The following SOX5 variants were observed in gnomAD, a reference collection of about 807,000 sequenced individuals.
The protein encoded by SOX5 is SRY-box transcription factor 5.
Under a neutral mutation model 92.0 loss-of-function variants are expected in SOX5, and 9 were observed. That is an observed-to-expected ratio of 0.10 (90% CI 0.06 to 0.17). The LOEUF (loss-of-function observed/expected upper bound fraction) is 0.17. SOX5 is among the 10% of genes least tolerant of loss of function. The pLI is 1.00. For synonymous variants in SOX5, 344 were observed against 336.3 expected (o/e 1.02, Z -0.25); for missense variants, 642 against 944.5 (o/e 0.68, Z 4.20).
intron 4 of SOX5, among the ~76,000 whole-genome samples, chr12:24,175,482 G>A (rs1339837736): frequency 6.6e-6 from 1 of 152,162 alleles, no homozygotes; most frequent in Non-Finnish European, 1.5e-5. Context: ...GTGCATGCAC[G>A]CTGGGAGCAA....
chr12:24,082,897 C>T (rs1314409082), intron 4 of SOX5, among the ~76,000 whole-genome samples: 1 of 151,738 alleles, frequency 6.6e-6, no homozygotes, highest in Non-Finnish European at 1.5e-5. Flanking sequence ...ATCTCATTTG[C>T]TTTTATAAAG....
chr12:24,176,606 G>C (rs1262497532), intron 4 of SOX5, among the ~76,000 whole-genome samples: 1 of 152,140 alleles, frequency 6.6e-6, no homozygotes, highest in Non-Finnish European at 1.5e-5. Flanking sequence ...ATAATCATAT[G>C]GTCTATGACC....
intron 3 of SOX5, among the ~76,000 whole-genome samples, chr12:24,246,866 A>T (rs1428041303): frequency 6.6e-6 from 1 of 152,190 alleles, no homozygotes; most frequent in Non-Finnish European, 1.5e-5. Flanking sequence ...CAAAATAAAA[A>T]GACAAGAGGT....
intron 3 of SOX5, among the ~76,000 whole-genome samples, chr12:23,799,256 A>G (rs1369568473): frequency 6.6e-6 from 1 of 152,038 alleles, no homozygotes; most frequent in Non-Finnish European, 1.5e-5. Context: ...TGATACTAAC[A>G]ATGATGCTGT....
chr12:24,025,781 T>A (rs1277947986), intron 4 of SOX5, among the ~76,000 whole-genome samples: 3 of 151,920 alleles, frequency 2.0e-5, no homozygotes, highest in Admixed American at 1.3e-4. Flanking sequence ...ACTGAAAAAA[T>A]TCCATAGAAT....
chr12:23,823,290 GC>G (rs969612362), intron 3 of SOX5, among the ~76,000 whole-genome samples: 1 of 152,190 alleles, frequency 6.6e-6, no homozygotes, highest in African/African-American at 2.4e-5. Flanking sequence ...TCCTTCAGGA[GC>G]TCCAGTAAGG....
chr12:24,294,062 C>T (rs1400600734), intron 2 of SOX5, among the ~76,000 whole-genome samples: 3 of 152,166 alleles, frequency 2.0e-5, no homozygotes, highest in East Asian at 1.9e-4. Flanking sequence ...GCTGCAAAAG[C>T]ATCAGAAATA....
chr12:24,411,058 CTG>C (rs2136783682), intron 1 of SOX5, among the ~76,000 whole-genome samples: 1 of 152,252 alleles, frequency 6.6e-6, no homozygotes, highest in East Asian at 1.9e-4. Flanking sequence ...TTCTGAGTGA[CTG>C]TAAATAGTAT....
chr12:23,870,299 G>T (rs1227896359), intron 2 of SOX5, among the ~76,000 whole-genome samples: 1 of 152,102 alleles, frequency 6.6e-6, no homozygotes, highest in Non-Finnish European at 1.5e-5. Flanking sequence ...ATTTAACACA[G>T]TATTGAGAAA....
At chr12:23,976,478 G>C (rs756902182) in intron 4 of SOX5, among the ~76,000 whole-genome samples, 2 of 149,298 alleles carry the variant, frequency 1.3e-5, no homozygotes, top group East Asian at 4.0e-4. Context: ...GTAAAGACTA[G>C]TAGAGCCCAA....
chr12:23,558,747 CT>C (rs1165983666), intron 11 of SOX5, among the ~76,000 whole-genome samples: 1 of 152,158 alleles, frequency 6.6e-6, no homozygotes, highest in Admixed American at 6.5e-5. Context: ...GGATTACAGG[CT>C]TGCGCCACCA....
At chr12:24,474,248 A>C (rs1328582930) in intron 1 of SOX5, among the ~76,000 whole-genome samples, 2 of 152,168 alleles carry the variant, frequency 1.3e-5, no homozygotes, top group Non-Finnish European at 2.9e-5. Flanking sequence ...TTTTGCTTAG[A>C]TAGATCTTGG....
At chr12:23,830,619 CTT>C (rs760246621) in intron 3 of SOX5, among the ~76,000 whole-genome samples, 5 of 152,128 alleles carry the variant, frequency 3.3e-5, no homozygotes, top group African/African-American at 4.8e-5. Context: ...GATCCGTTCA[CTT>C]TTTATTTTTC....
At chr12:24,176,049 G>A (rs1169035317) in intron 4 of SOX5, among the ~76,000 whole-genome samples, 2 of 152,072 alleles carry the variant, frequency 1.3e-5, no homozygotes, top group Non-Finnish European at 2.9e-5. Flanking sequence ...TAAACGATAA[G>A]GCTGGGTACA....
chr12:23,768,944 C>T (rs113817725), intron 3 of SOX5, among the ~76,000 whole-genome samples: 103 of 152,144 alleles, frequency 6.8e-4, no homozygotes, highest in African/African-American at 2.3e-3. Context: ...TAAATTACTT[C>T]GTATAATGAG....
At chr12:24,057,146 AAAG>A (rs1178807966) in intron 4 of SOX5, among the ~76,000 whole-genome samples, 2 of 152,006 alleles carry the variant, frequency 1.3e-5, no homozygotes, top group East Asian at 1.9e-4. Flanking sequence ...CAAATAGATA[AAAG>A]AAGGAAAAAA....
At chr12:24,130,428 T>A (rs1949535305) in intron 4 of SOX5, among the ~76,000 whole-genome samples, 1 of 152,202 alleles carries the variant, frequency 6.6e-6, no homozygotes, top group Admixed American at 6.5e-5. Context: ...TATAAAATCA[T>A]GTTCTGTGTG....
At chr12:23,675,787 T>C (rs2085572060) in intron 6 of SOX5, among the ~76,000 whole-genome samples, 1 of 152,124 alleles carries the variant, frequency 6.6e-6, no homozygotes, top group Non-Finnish European at 1.5e-5. Context: ...ATTTGTGAAC[T>C]ATGGGGTTAA....
intron 1 of SOX5, among the ~76,000 whole-genome samples, chr12:23,932,823 G>T (rs1217434240): frequency 1.3e-5 from 2 of 151,562 alleles, no homozygotes; most frequent in Non-Finnish European, 3.0e-5. Context: ...TGATCTAAAA[G>T]TACCTAAATG....
Sources: allele counts gnomAD v4.1 joint callset (sites outside exome capture counted in the v4.1 genomes callset), GRCh38; gene constraint gnomAD v4.1.1; transcripts MANE v1.5; gene names NCBI Gene and HGNC (gene_info 2026-07-23, HGNC 2026-07-21).